The following PEX6 variants were observed in gnomAD, a reference collection of about 807,000 sequenced individuals.
PEX6 encodes the protein peroxisomal biogenesis factor 6.
In PEX6, 55 loss-of-function variants were observed where a neutral mutation model predicts 85.6. That is an observed-to-expected ratio of 0.64 (90% CI 0.52 to 0.80). The LOEUF (loss-of-function observed/expected upper bound fraction) is 0.80. PEX6 is among the 30% of genes least tolerant of loss of function. PEX6 has a pLI of 0.00. For missense variants in PEX6, 1,099 were observed against 1,260.3 expected, an observed-to-expected ratio of 0.87 and a Z score of 1.94; for synonymous variants, 519 against 549.1, an observed-to-expected ratio of 0.95 and a Z score of 0.77.
chr6:42,965,723 G>A lies in PEX6; in HGVS notation c.2429C>T (p.Pro810Leu). The A allele has an allele frequency of 6.2e-7, 1 of 1,614,052 alleles. No individual in the cohort carries two copies. The highest frequency in any genetic ancestry group is 1.1e-5 in the South Asian group (1 of 91,072). ...AGAATCTCCACTTCGCCCCCGGCTT[G>A]GGGCCAAAGAGTCCAGTTCATCAAA... The part of the protein sequence containing the change: ...IFFDELDSLA[P>L]SRGRSGDSGG... Residue 810 changes from proline (P) to leucine (L), a missense_variant, in exon 13 of 17, where the codon CCA (proline) becomes CTA (leucine). Physicochemically the swap from Pro to Leu is moderately conservative, Grantham distance 98. Coordinates refer to ENST00000304611, the MANE Select transcript of PEX6 (RefSeq NM_000287.4). The surrounding 1 kb of genome is among the most constrained non-coding windows in gnomAD (Gnocchi z 5.0).
Position 42,968,464 on chromosome 6 carries a change from C to A in PEX6, c.1514G>T (p.Gly505Val). Residue 505 changes from glycine to valine, a missense_variant, in exon 7 of 17, where the codon GGG becomes GTG. Transcript: ENST00000304611. ...PCSSLCAESS[G>V]AVETKLQAIF... ...GGCCTGCAGTTTTGTCTCCACAGCCCCACTACTTTCTGCACAGAGGCTGGA... is the reference window on the plus strand; with the variant it reads ...GGCCTGCAGTTTTGTCTCCACAGCCACACTACTTTCTGCACAGAGGCTGGA... 6.3e-7 allele frequency: 1 copy of A among 1,595,582 alleles called. No homozygotes were observed. The highest frequency in any genetic ancestry group is 2.3e-5 in the East Asian group (1 of 43,854).
chr6:42,974,062 T>C lies in PEX6; in HGVS notation c.1071A>G (p.Leu357=), dbSNP rs116318004. 983 of 1,613,948 alleles carry C rather than the reference T, an allele frequency of 6.1e-4. 4 individuals are homozygous for C. In the African/African-American group the frequency reaches 0.011, roughly 19 times the overall value. ...CTACTTGCCCAATTGTTGGCACACATAGAACATCCCCTTCCTGGACTACCC... is the reference window on the plus strand; with the variant it reads ...CTACTTGCCCAATTGTTGGCACACACAGAACATCCCCTTCCTGGACTACCC... ...IPRVVQEGDV[L]CVPTIGQVEI... The change falls in exon 3 of 17, where the codon CTA becomes CTG. Residue 357 remains leucine (L), a synonymous_variant. Transcript: ENST00000304611.
Position 42,964,031 on chromosome 6 carries a change from T to A in PEX6, c.*304A>T. On this transcript the variant is annotated 3_prime_UTR_variant, in exon 17 of 17. Transcript: ENST00000304611. The surrounding 1 kb of genome is among the most constrained non-coding windows in gnomAD (Gnocchi z 4.6). ...AGTAGGGGGCGGGACATGCTTTATT[T>A]TCAGCCACAGAACTAGCCCTCTCAG... 1 of 563,746 alleles carries A rather than the reference T, an allele frequency of 1.8e-6. No homozygotes were observed. The highest frequency in any genetic ancestry group is 3.2e-6 in the Non-Finnish European group (1 of 315,394). The allele number at this position is 563,746 out of a possible 1,614,324, so 34.9% of individuals were successfully genotyped here. A position where few individuals can be genotyped will look rare whatever the true frequency, so the allele number is the denominator to read the frequency against.
In PEX6 at chr6:42,967,506, A is replaced by G. The variant is rs756462650; in HGVS notation, c.1746T>C (p.Asp582=). 3.1e-6 allele frequency: 5 copies of G among 1,609,472 alleles called. No homozygotes were observed. The Admixed American group carries it at 8.4e-5, about 27-fold the overall frequency. Residue 582 remains aspartate (D), a synonymous_variant, in exon 8 of 17, where the codon GAT becomes GAC. Coordinates refer to ENST00000304611, the MANE Select transcript of PEX6 (RefSeq NM_000287.4). ...TTSRAQDLPA[D]VQTAFPHELE... ...GCTCATGAGGAAATGCTGTCTGCAC[A>G]TCAGCAGGCAGGTCCTGGGCCCGGC...
rs1418650553 is a variant in PEX6 at position 42,978,689 on chromosome 6, C to T, written c.462G>A (p.Arg154=). ...ALQGLLGPGT[R]LAVTELRGRA... is the part of the protein sequence containing the mutation. Reference sequence around the variant, plus strand: ...GCCCGCGGAGCTCAGTCACAGCCAGCCGAGTCCCTGGGCCCAGCAGCCCTT... The same window carrying T: ...GCCCGCGGAGCTCAGTCACAGCCAGTCGAGTCCCTGGGCCCAGCAGCCCTT... Residue 154 remains arginine (R), a synonymous_variant, in exon 1 of 17, where the codon CGG becomes CGA. Coordinates refer to ENST00000304611, the MANE Select transcript of PEX6 (RefSeq NM_000287.4). 2 of 1,552,564 alleles carry T rather than the reference C, an allele frequency of 1.3e-6. No homozygotes were observed. The highest frequency in any genetic ancestry group is 4.8e-5 in the East Asian group (2 of 41,932).
At chr6:42,973,339 A>T (rs1351465299) in intron 3 of PEX6, among the ~76,000 whole-genome samples, 1 of 152,004 alleles carries the variant, frequency 6.6e-6, no homozygotes, top group Non-Finnish European at 1.5e-5. Flanking sequence ...TTTGCTTTAC[A>T]TAGGGCCACC....
intron 1 of PEX6, among the ~76,000 whole-genome samples, chr6:42,977,263 T>C (rs900183321): frequency 6.6e-6 from 1 of 151,242 alleles, no homozygotes; most frequent in African/African-American, 2.4e-5. Context: ...TTTTTTTTTT[T>C]TTTTTTTTAC....
At position 42,979,109 on chromosome 6, in the gene PEX6, G is replaced by T. The variant is rs1375938727; in HGVS notation, c.42C>A (p.Thr14=). 2 of 1,566,390 alleles carry T rather than the reference G, an allele frequency of 1.3e-6. No individual in the cohort carries two copies. The highest frequency in any genetic ancestry group is 1.8e-5 in the Admixed American group (1 of 55,452). ...GCAGCACTGCCAACGGGGGTGTCTC[G>T]GTCGGAAAGGGCTCCAGGACCCGCA... ...AVLRVLEPFP[T]ETPPLAVLLP... Residue 14 remains threonine (T), a synonymous_variant, in exon 1 of 17, where the codon ACC becomes ACA. Coordinates refer to ENST00000304611, the MANE Select transcript of PEX6 (RefSeq NM_000287.4).
intron 5 of PEX6, among the ~76,000 whole-genome samples, chr6:42,969,299 G>A (rs1378754542): frequency 6.6e-6 from 1 of 152,214 alleles, no homozygotes; most frequent in African/African-American, 2.4e-5. Context: ...GTGGCACTGA[G>A]GTGGGGATCT....
At position 42,978,784 on chromosome 6, in the gene PEX6, G is replaced by A. The variant is rs758218388; in HGVS notation, c.367C>T (p.Leu123=). Residue 123 remains leucine (L), a synonymous_variant, in exon 1 of 17, where the codon CTG becomes TTG. Transcript: ENST00000304611. ...AGGGTCTCTCCGCGCCTCACCAGCA[G>A]CGGCCCGACTCGCGGTCCGAGCCCA... ...GPGLGPRVGP[L]LVRRGETLPV... 11 of 1,534,406 alleles carry A rather than the reference G, an allele frequency of 7.2e-6. No homozygotes were observed. In the Admixed American group the frequency reaches 2.2e-4, roughly 30 times the overall value.
chr6:42,978,545 T>A lies in PEX6; in HGVS notation c.606A>T (p.Gly202=), dbSNP rs149363237. The change falls in exon 1 of 17, where the codon GGA becomes GGT. Residue 202 remains glycine (G), a synonymous_variant. Coordinates refer to ENST00000304611, the MANE Select transcript of PEX6 (RefSeq NM_000287.4). Reference sequence around the variant, plus strand: ...AGCTCCGGCTCACCCCTAGTGAATCTCCAGTCCCTCCCAGAACTCCCTGGA... The same window carrying A: ...AGCTCCGGCTCACCCCTAGTGAATCACCAGTCCCTCCCAGAACTCCCTGGA... The part of the protein sequence containing the change: ...RRLQGVLGGT[G]DSLGVSRSCL... The A allele has an allele frequency of 6.2e-7, 1 of 1,613,348 alleles. No homozygotes were observed. Among genetic ancestry groups the A allele is most frequent in the African/African-American group, 1.3e-5 (1 of 74,870 alleles).
At position 42,971,851 on chromosome 6, in the gene PEX6, CAA is replaced by C. The variant is rs1770062942; in HGVS notation, c.1131-1866_1131-1865del. Among the ~76,000 whole-genome samples, 1 of 152,046 alleles carries C rather than the reference CAA, an allele frequency of 6.6e-6. No individual in the cohort carries two copies. The highest frequency in any genetic ancestry group is 2.4e-5 in the African/African-American group (1 of 41,444). On this transcript the variant is annotated intron_variant, in intron 3 of 16. Coordinates refer to ENST00000304611, the MANE Select transcript of PEX6 (RefSeq NM_000287.4). This position sits in a 1 kb window ranked among gnomAD's most constrained non-coding sequence, Gnocchi z 4.4. ...TAGTGCCTATTTTCCTTTGAAAGTA[CAA>C]AGAGTGGGCATTCTGTAGTTTTCCT...
At chr6:42,972,584 C>T (rs1218523419) in intron 3 of PEX6, among the ~76,000 whole-genome samples, 1 of 152,068 alleles carries the variant, frequency 6.6e-6, no homozygotes. Context: ...TCCTGGTTAA[C>T]ACGGTGAAAC....
At chr6:42,969,077 T>C in intron 5 of PEX6, 92 bp from the exon 6 acceptor site, 1 of 873,536 alleles carries the variant, frequency 1.1e-6, no homozygotes, top group Non-Finnish European at 1.9e-6. Context: ...AGAAAGCAGA[T>C]ACCCTGTTTT....
In PEX6 at chr6:42,971,378, T is replaced by C. The variant is rs1173762802; in HGVS notation, c.1131-1391A>G. On this transcript the variant is annotated intron_variant, in intron 3 of 16. Transcript: ENST00000304611. The surrounding 1 kb of genome is among the most constrained non-coding windows in gnomAD (Gnocchi z 4.4). The stretch of plus-strand genomic sequence containing the variant: ...TGAGATGGGGGACAGCACTGTGGCA[T>C]AGGGAGAGACCACCTTCTTCAGTGG... 6.6e-6 allele frequency among the ~76,000 whole-genome samples: 1 copy of C among 152,178 alleles called. No homozygotes were observed.
chr6:42,978,389 T>C lies in PEX6; in HGVS notation c.762A>G (p.Arg254=), dbSNP rs777826616. The C allele has an allele frequency of 2.0e-5, 32 of 1,613,968 alleles. No homozygotes were observed. The highest frequency in any genetic ancestry group is 2.7e-5 in the African/African-American group (2 of 74,872). ...CCAGCGGTCCAGAGCCGGGTCCCAGTCTATCAGAGAGGTCCCAGCGAGGTT... is the reference window on the plus strand; with the variant it reads ...CCAGCGGTCCAGAGCCGGGTCCCAGCCTATCAGAGAGGTCCCAGCGAGGTT... ...VLEPRWDLSD[R]LGPGSGPLGE... is the part of the protein sequence containing the mutation. The change falls in exon 1 of 17, where the codon AGA becomes AGG. Residue 254 remains arginine (R), a synonymous_variant. Transcript: ENST00000304611.
At chr6:42,970,829 C>T (rs920411466) in intron 3 of PEX6, among the ~76,000 whole-genome samples, 2 of 152,152 alleles carry the variant, frequency 1.3e-5, no homozygotes, top group African/African-American at 4.8e-5. Flanking sequence ...GGGGCTTAGG[C>T]ACCTGTATTT....
chr6:42,978,072 C>T (rs1205790673), intron 1 of PEX6, among the ~76,000 whole-genome samples, 197 bp downstream of exon 1: 4 of 151,836 alleles, frequency 2.6e-5, no homozygotes, highest in African/African-American at 9.7e-5. Flanking sequence ...CTCGAACTCC[C>T]GACCCCAAGT....
rs1447349013 is a variant in PEX6, at chr6:42,966,429, G to A, written c.2113C>T (p.His705Tyr). 3 of 1,614,166 alleles carry A rather than the reference G, an allele frequency of 1.9e-6. No individual in the cohort carries two copies. The highest frequency in any genetic ancestry group is 1.1e-5 in the South Asian group (1 of 91,088). Residue 705 changes from histidine (H) to tyrosine (Y), a missense_variant, in exon 11 of 17, where the codon CAT becomes TAT. Transcript: ENST00000304611. ...GAPKIPSVSW[H>Y]DVGGLQEVKK... is the part of the protein sequence containing the mutation. ...ACCTCCTGCAGCCCACCCACATCATGCCAGGACACTGAGGGGATCTAGGAG... is the reference window on the plus strand; with the variant it reads ...ACCTCCTGCAGCCCACCCACATCATACCAGGACACTGAGGGGATCTAGGAG...
Sources: gnomAD v4.1 joint callset for allele counts (sites outside exome capture counted in the v4.1 genomes callset) on GRCh38, gnomAD v4.1.1 for gene constraint, Gnocchi (gnomAD v3.1) non-coding constraint, MANE v1.5 for transcripts, NCBI Gene and HGNC (gene_info 2026-07-23, HGNC 2026-07-21) for gene names.